PRUNE2: variants seen among roughly 807,000 people sequenced by gnomAD.
PRUNE2 encodes prune homolog 2 with BCH domain.
In PRUNE2, 164 loss-of-function variants were observed where a neutral mutation model predicts 252.0. The observed-to-expected ratio is 0.65, with a 90% confidence interval of 0.57 to 0.74. PRUNE2 has a LOEUF of 0.74. Among genes scored for constraint, PRUNE2 ranks in the 30% least tolerant of loss-of-function variants. The probability of loss-of-function intolerance (pLI) is 0.00; values close to 1 mark genes in which losing one functional copy is unlikely to be tolerated. For synonymous variants in PRUNE2, 1,292 were observed against 1,350.2 expected, an observed-to-expected ratio of 0.96 and a Z score of 0.94; for missense variants, 3,495 against 3,711.0, an observed-to-expected ratio of 0.94 and a Z score of 1.51.
At chr9:76,680,885 C>T (rs2043350205) in intron 9 of PRUNE2, among the ~76,000 whole-genome samples, 2 of 152,148 alleles carry the variant, frequency 1.3e-5, no homozygotes, top group Non-Finnish European at 2.9e-5. Flanking sequence ...AACCGGATCT[C>T]GTGAGAACTC....
chr9:76,627,622 A>G (rs1835503361), intron 16 of PRUNE2, among the ~76,000 whole-genome samples: 1 of 152,118 alleles, frequency 6.6e-6, no homozygotes, highest in Non-Finnish European at 1.5e-5. Context: ...TCCTGTGTTC[A>G]CGCCCGATAT....
rs1396762118 is a variant in PRUNE2, at chr9:76,644,963, A to G, written c.8558-54T>C. 14 of 1,509,080 alleles carry G rather than the reference A, an allele frequency of 9.3e-6. No individual in the cohort carries two copies. The African/African-American group carries it at 1.7e-4, about 18-fold the overall frequency. The allele number at this position is 1,509,080 out of a possible 1,614,324, so 93.5% of individuals were successfully genotyped here. On this transcript the variant is annotated intron_variant, in intron 11 of 18. Transcript: ENST00000376718. ...TGAAGGAGCAAGACCTCCACAGTGC[A>G]GCTAAACAGCCAAATGGTAAGCTTT... is the stretch of plus-strand genomic sequence containing the variant.
intron 1 of PRUNE2, among the ~76,000 whole-genome samples, chr9:76,893,850 G>T (rs1473985325): frequency 1.3e-5 from 2 of 152,174 alleles, no homozygotes; most frequent in Non-Finnish European, 2.9e-5. Flanking sequence ...CAAGAGTAAT[G>T]ACACTTCAGG....
chr9:76,763,759 A>G (rs567062036), intron 6 of PRUNE2, among the ~76,000 whole-genome samples: 1 of 152,090 alleles, frequency 6.6e-6, no homozygotes, highest in African/African-American at 2.4e-5. Context: ...ATGGAGAAGG[A>G]GAGGGGTAGT....
intron 4 of PRUNE2, among the ~76,000 whole-genome samples, chr9:76,836,362 A>G (rs1353534193): frequency 6.7e-6 from 1 of 149,568 alleles, no homozygotes; most frequent in Admixed American, 6.8e-5. Context: ...GAACACAAAA[A>G]AATCTTAGAA....
chr9:76,651,145 A>G (rs1847232822), intron 11 of PRUNE2, among the ~76,000 whole-genome samples: 1 of 152,154 alleles, frequency 6.6e-6, no homozygotes, highest in Non-Finnish European at 1.5e-5. Context: ...TAAAAATGCA[A>G]TATAAAATCT....
intron 9 of PRUNE2, among the ~76,000 whole-genome samples, chr9:76,702,951 C>CA (rs2134749113): frequency 6.6e-6 from 1 of 152,258 alleles, no homozygotes; most frequent in East Asian, 1.9e-4. Flanking sequence ...CCATTCCCCC[C>CA]ACTGGCATGT....
intron 1 of PRUNE2, among the ~76,000 whole-genome samples, chr9:76,898,576 A>T (rs1042263924): frequency 1.3e-5 from 2 of 152,226 alleles, no homozygotes; most frequent in Non-Finnish European, 2.9e-5. Flanking sequence ...TATTCTTGAC[A>T]GTAACCAAAA....
intron 4 of PRUNE2, among the ~76,000 whole-genome samples, chr9:76,828,042 G>C (rs376176652): frequency 3.3e-5 from 5 of 152,146 alleles, no homozygotes; most frequent in Non-Finnish European, 7.3e-5. Flanking sequence ...TGAAGCTCAC[G>C]GGAGATTAGA....
intron 7 of PRUNE2, among the ~76,000 whole-genome samples, chr9:76,712,162 G>A (rs762823774): frequency 6.6e-6 from 1 of 152,078 alleles, no homozygotes; most frequent in Non-Finnish European, 1.5e-5. Flanking sequence ...AACATTTATT[G>A]AGTGCTTTCA....
chr9:76,720,730 T>C (rs2047564650), intron 6 of PRUNE2, among the ~76,000 whole-genome samples: 1 of 152,214 alleles, frequency 6.6e-6, no homozygotes, highest in Non-Finnish European at 1.5e-5. Context: ...CTCCATAATA[T>C]ATGTGAACTT....
At chr9:76,691,074 C>G (rs1175298073) in intron 9 of PRUNE2, among the ~76,000 whole-genome samples, 1 of 152,184 alleles carries the variant, frequency 6.6e-6, no homozygotes, top group African/African-American at 2.4e-5. Flanking sequence ...AGAAAACTTT[C>G]ATCAGATGAA....
Position 76,710,801 on chromosome 9 carries a change from G to A in PRUNE2, c.1473C>T (p.Phe491=), listed in dbSNP as rs200025695. 27 of 1,580,876 alleles carry A rather than the reference G, an allele frequency of 1.7e-5. No homozygotes were observed. The highest frequency in any genetic ancestry group is 1.7e-4 in the Middle Eastern group (1 of 5,860). Residue 491 remains phenylalanine (F), a synonymous_variant, in exon 8 of 19, where the codon TTC becomes TTT. Transcript: ENST00000376718. The stretch of plus-strand genomic sequence containing the variant: ...GTGCTGGGTCAAAATTGAAGAGGTC[G>A]AAGTGCTCACCGTGTTCTCCAGACC... ...HAWSGEHGEH[F]DLFNFDPAPM...
chr9:76,906,067 C>G lies in PRUNE2; in HGVS notation c.-104G>C. ...CCCGGGAAAGTGGCCCGCCGGGGCGCAGCGACCGACTGCTCCCTCCTGCCG... is the reference window on the plus strand; with the variant it reads ...CCCGGGAAAGTGGCCCGCCGGGGCGGAGCGACCGACTGCTCCCTCCTGCCG... On this transcript the variant is annotated 5_prime_UTR_variant, in exon 1 of 19. Transcript: ENST00000376718. 1 of 1,233,544 alleles carries G rather than the reference C, an allele frequency of 8.1e-7. No individual in the cohort carries two copies. Among genetic ancestry groups the G allele is most frequent in the South Asian group, 1.2e-5 (1 of 82,494 alleles). 76.4% of individuals were successfully genotyped at this position (1,233,544 alleles called of 1,614,324 possible).
chr9:76,799,485 A>C (rs1009557938), intron 6 of PRUNE2, among the ~76,000 whole-genome samples: 1 of 152,216 alleles, frequency 6.6e-6, no homozygotes, highest in African/African-American at 2.4e-5. Flanking sequence ...CCTTAATTTA[A>C]TATTGAACAA....
intron 6 of PRUNE2, among the ~76,000 whole-genome samples, chr9:76,774,227 C>G (rs957678437): frequency 6.6e-6 from 1 of 151,960 alleles, no homozygotes; most frequent in African/African-American, 2.4e-5. Context: ...CCTCAACCTC[C>G]TAGGCTCAAG....
At chr9:76,846,706 G>T (rs750388273) in intron 3 of PRUNE2, 28 bp from the exon 4 acceptor site, 9 of 1,597,138 alleles carry the variant, frequency 5.6e-6, no homozygotes, top group Non-Finnish European at 6.9e-6. Context: ...GGGAGGAAGA[G>T]AAAGGGATAT....
At chr9:76,755,365 A>C (rs576748727) in intron 6 of PRUNE2, among the ~76,000 whole-genome samples, 1 of 152,262 alleles carries the variant, frequency 6.6e-6, no homozygotes, top group South Asian at 2.1e-4. Flanking sequence ...AAACCGATGG[A>C]GAGAGAGAAT....
Position 76,751,572 on chromosome 9 carries a change from C to G in PRUNE2, c.757-37851G>C, listed in dbSNP as rs180979559. 3.9e-5 allele frequency among the ~76,000 whole-genome samples: 6 copies of G among 152,208 alleles called. No homozygotes were observed. In the East Asian group the frequency reaches 7.7e-4, roughly 20 times the overall value. On this transcript the variant is annotated intron_variant, in intron 6 of 18. Transcript: ENST00000376718. ...TGCCCTTGTCACAGGAAATAGAAGG[C>G]CTTTAAATTTGTATCTTCGTGGGAA...
Sources: allele counts gnomAD v4.1 joint callset (sites outside exome capture counted in the v4.1 genomes callset), GRCh38; gene constraint gnomAD v4.1.1; transcripts MANE v1.5; gene names NCBI Gene and HGNC (gene_info 2026-07-23, HGNC 2026-07-21).